The following DLEU7 variants were observed in gnomAD, a reference collection of about 807,000 sequenced individuals.
The protein encoded by DLEU7 is leukemia-associated protein 7.
Under a neutral mutation model 16.0 loss-of-function variants are expected in DLEU7, and 17 were observed. The ratio of observed to expected loss-of-function variants is 1.06; its 90% CI spans 0.73 to 1.59. The LOEUF is 1.59. Among genes scored for constraint, DLEU7 ranks in the 40% most tolerant of loss-of-function variants. DLEU7 has a pLI of 0.00. For synonymous variants in DLEU7, 113 were observed against 139.8 expected (o/e 0.81, Z 1.35); for missense variants, 308 against 314.9 (o/e 0.98, Z 0.17).
At position 50,823,254 on chromosome 13, in the gene DLEU7, T is replaced by G. The variant is rs1002960446; in HGVS notation, c.*60A>C. ...TTGTCTGCTGACTCAATTAGGAAGG[T>G]AAGGTATCTGGTTCTCTTAACAGTG... is the stretch of plus-strand genomic sequence containing the variant. On this transcript the variant is annotated 3_prime_UTR_variant, in exon 2 of 2. Coordinates refer to ENST00000504404, the MANE Select transcript of DLEU7 (RefSeq NM_001306135.2). The G allele has an allele frequency of 2.6e-6, 4 of 1,524,842 alleles. No homozygotes were observed. The highest frequency in any genetic ancestry group is 3.5e-6 in the Non-Finnish European group (4 of 1,138,092). The allele number at this position is 1,524,842 out of a possible 1,614,324, so 94.5% of individuals were successfully genotyped here. A position where few individuals can be genotyped will look rare whatever the true frequency, so the allele number is the denominator to read the frequency against.
chr13:50,824,128 G>A (rs1302341208), intron 1 of DLEU7, among the ~76,000 whole-genome samples: 1 of 152,088 alleles, frequency 6.6e-6, no homozygotes, highest in East Asian at 1.9e-4. Flanking sequence ...CACTGTGTTC[G>A]GTAGTTCAGT....
At chr13:50,785,603 A>G (rs1875776690) in intron 1 of DLEU7, among the ~76,000 whole-genome samples, 1 of 152,218 alleles carries the variant, frequency 6.6e-6, no homozygotes, top group African/African-American at 2.4e-5. Context: ...GCAAAGCTAA[A>G]TGGTAAATTA....
intron 1 of DLEU7, among the ~76,000 whole-genome samples, chr13:50,721,785 A>G (rs568034574): frequency 3.3e-4 from 50 of 152,328 alleles, no homozygotes; most frequent in African/African-American, 1.1e-3. Flanking sequence ...GGGAAGTACT[A>G]GCTAGTGTGG....
At chr13:50,790,333 G>A (rs1315374107) in intron 1 of DLEU7, among the ~76,000 whole-genome samples, 5 of 152,120 alleles carry the variant, frequency 3.3e-5, no homozygotes, top group Admixed American at 6.5e-5. Context: ...ATCTGAAGGG[G>A]GAGGGAGTTG....
chr13:50,759,294 T>C (rs962405433), intron 1 of DLEU7, among the ~76,000 whole-genome samples: 8 of 152,202 alleles, frequency 5.3e-5, no homozygotes, highest in Non-Finnish European at 1.0e-4. Flanking sequence ...CTGTATGGCT[T>C]CAGTAAAATC....
At chr13:50,777,543 T>G (rs970127489) in intron 1 of DLEU7, among the ~76,000 whole-genome samples, 6 of 152,234 alleles carry the variant, frequency 3.9e-5, no homozygotes, top group Admixed American at 3.9e-4. Flanking sequence ...CTTGTGATCA[T>G]GTGAGTTTAA....
At chr13:50,796,380 G>A (rs1276802544) in intron 1 of DLEU7, among the ~76,000 whole-genome samples, 6 of 152,292 alleles carry the variant, frequency 3.9e-5, no homozygotes, top group African/African-American at 1.4e-4. Flanking sequence ...AGGCCTCCAA[G>A]TGACTCACAG....
At chr13:50,809,329 C>T (rs1876492344) in intron 1 of DLEU7, among the ~76,000 whole-genome samples, 1 of 152,064 alleles carries the variant, frequency 6.6e-6, no homozygotes, top group South Asian at 2.1e-4. Context: ...CCATCTTAGC[C>T]CAAAGGCAAT....
chr13:50,769,789 T>TG (rs1322006205), intron 1 of DLEU7, among the ~76,000 whole-genome samples: 1 of 152,162 alleles, frequency 6.6e-6, no homozygotes, highest in Non-Finnish European at 1.5e-5. Context: ...TGGTTCCATA[T>TG]AACTTTAAAG....
intron 1 of DLEU7, among the ~76,000 whole-genome samples, chr13:50,770,316 G>A (rs1321567901): frequency 6.6e-6 from 1 of 152,164 alleles, no homozygotes; most frequent in Non-Finnish European, 1.5e-5. Context: ...ATGTTGAATA[G>A]GAGTGGTGAG....
At chr13:50,781,798 A>G (rs1458547309) in intron 1 of DLEU7, among the ~76,000 whole-genome samples, 1 of 152,228 alleles carries the variant, frequency 6.6e-6, no homozygotes, top group Non-Finnish European at 1.5e-5. Context: ...GAACAAATAA[A>G]AAAAAATTCT....
chr13:50,714,939 C>A (rs936906155), intron 1 of DLEU7, among the ~76,000 whole-genome samples: 2 of 152,222 alleles, frequency 1.3e-5, no homozygotes, highest in African/African-American at 2.4e-5. Flanking sequence ...TCAAGCCTCA[C>A]AGGGCTGAAA....
At chr13:50,741,316 A>G (rs1874244662) in intron 1 of DLEU7, among the ~76,000 whole-genome samples, 1 of 152,184 alleles carries the variant, frequency 6.6e-6, no homozygotes, top group Admixed American at 6.5e-5. Flanking sequence ...ATCTATTAAA[A>G]TACCTGGAAC....
intron 1 of DLEU7, among the ~76,000 whole-genome samples, chr13:50,720,808 A>C (rs1344496171): frequency 6.6e-6 from 1 of 152,198 alleles, no homozygotes; most frequent in Non-Finnish European, 1.5e-5. Flanking sequence ...TGTATAAATC[A>C]GGGCAGGGAA....
Position 50,843,474 on chromosome 13 carries a change from C to T in DLEU7, c.173G>A (p.Arg58Gln), listed in dbSNP as rs142725081. 492 of 1,330,460 alleles carry T rather than the reference C, an allele frequency of 3.7e-4. 1 individual carries two copies. The Middle Eastern group carries it at 8.9e-3, about 24-fold the overall frequency. The allele number at this position is 1,330,460 out of a possible 1,614,324, so 82.4% of individuals were successfully genotyped here. The change falls in exon 1 of 2, where the codon CGG becomes CAG. Residue 58 changes from arginine (R) to glutamine (Q), a missense_variant. Coordinates refer to ENST00000504404, the MANE Select transcript of DLEU7 (RefSeq NM_001306135.2). The surrounding 1 kb of genome is among the most constrained non-coding windows in gnomAD (Gnocchi z 5.7). ...TAPARRSGPP[R>Q]ARPGPGREER... is the part of the protein sequence containing the mutation. ...CTCGCGCCCGGGCCCCGGCCGGGCC[C>T]GCGGCGGGCCTGAGCGACGGGCTGG...
chr13:50,773,830 G>C (rs982350502), intron 1 of DLEU7, among the ~76,000 whole-genome samples: 9 of 152,252 alleles, frequency 5.9e-5, no homozygotes, highest in Admixed American at 5.2e-4. Context: ...GGACATTTAA[G>C]TCTGCAGAAG....
chr13:50,744,837 CA>C (rs1243053076), intron 1 of DLEU7, among the ~76,000 whole-genome samples: 1 of 152,162 alleles, frequency 6.6e-6, no homozygotes, highest in Non-Finnish European at 1.5e-5. Flanking sequence ...CATCACTAAT[CA>C]TTACGGAAAT....
At chr13:50,796,338 T>C (rs1876108183) in intron 1 of DLEU7, among the ~76,000 whole-genome samples, 1 of 152,098 alleles carries the variant, frequency 6.6e-6, no homozygotes, top group Admixed American at 6.6e-5. Flanking sequence ...ACAAGCACTG[T>C]GATCCCACAA....
chr13:50,741,705 T>C (rs1043305361), intron 1 of DLEU7, among the ~76,000 whole-genome samples: 21 of 152,224 alleles, frequency 1.4e-4, no homozygotes, highest in African/African-American at 5.1e-4. Flanking sequence ...AGGAGAGCTT[T>C]CTCAATTAAT....
Sources: gnomAD v4.1 joint callset for allele counts (sites outside exome capture counted in the v4.1 genomes callset) on GRCh38, gnomAD v4.1.1 for gene constraint, Gnocchi (gnomAD v3.1) non-coding constraint, MANE v1.5 for transcripts, NCBI Gene and HGNC (gene_info 2026-07-23, HGNC 2026-07-21) for gene names.